Variants in ZNF662 observed in about 807,000 individuals in gnomAD.
The protein encoded by ZNF662 is zinc finger protein 662.
In ZNF662, 14 loss-of-function variants were observed where a neutral mutation model predicts 12.4. The observed-to-expected ratio is 1.13, with a 90% CI of 0.75 to 1.77. The LOEUF is 1.77. Ranked by LOEUF, ZNF662 falls within the 40% of genes most tolerant of loss-of-function variation. ZNF662 has a pLI of 0.00. For synonymous variants in ZNF662, 184 were observed against 176.4 expected, an observed-to-expected ratio of 1.04 and a Z score of -0.34; for missense variants, 550 against 515.6, an observed-to-expected ratio of 1.07 and a Z score of -0.65.
Position 42,919,236 on chromosome 3 carries a change from A to AT in ZNF662, c.*3883dup, listed in dbSNP as rs1238411028. Reference sequence around the variant, plus strand: ...ATGAGTCTAAAATCTAATGACAAATATATAAGTCTTGAAACATAATTTCTC... The same window carrying AT: ...ATGAGTCTAAAATCTAATGACAAATATTATAAGTCTTGAAACATAATTTCTC... On this transcript the variant is annotated 3_prime_UTR_variant, in exon 5 of 5. Transcript: ENST00000440367. 6.6e-6 allele frequency among the ~76,000 whole-genome samples: 1 copy of AT among 152,248 alleles called. No homozygotes were observed. Among genetic ancestry groups the AT allele is most frequent in the Non-Finnish European group, 1.5e-5 (1 of 68,040 alleles).
intron 3 of ZNF662, 100 bp from the exon 4 acceptor site, chr3:42,913,101 C>T (rs937717195): frequency 3.8e-6 from 3 of 788,970 alleles, no homozygotes; most frequent in Non-Finnish European, 6.5e-6. Context: ...ATCTTTTCAC[C>T]CACCTTTATT....
At chr3:42,909,098 G>A (rs2088729794) in intron 3 of ZNF662, among the ~76,000 whole-genome samples, 189 bp downstream of exon 3, 1 of 151,990 alleles carries the variant, frequency 6.6e-6, no homozygotes, top group African/African-American at 2.4e-5. Flanking sequence ...GATTATTCTT[G>A]GGTGTTTCTC....
At chr3:42,911,726 A>C (rs181311876) in intron 3 of ZNF662, among the ~76,000 whole-genome samples, 1 of 107,730 alleles carries the variant, frequency 9.3e-6, no homozygotes, top group East Asian at 1.9e-4. Flanking sequence ...GCGAAAGCAG[A>C]AGTAAGGTGT....
At position 42,915,547 on chromosome 3, in the gene ZNF662, T is replaced by G. The variant is rs1181939442; in HGVS notation, c.*193T>G. Reference sequence around the variant, plus strand: ...CTATGATGTTTTAACAAGGCATCATTTAGTTGGGCAGCTACTCTGTATCAG... The same window carrying G: ...CTATGATGTTTTAACAAGGCATCATGTAGTTGGGCAGCTACTCTGTATCAG... On this transcript the variant is annotated 3_prime_UTR_variant, in exon 5 of 5. Transcript: ENST00000440367. 2 of 557,382 alleles carry G rather than the reference T, an allele frequency of 3.6e-6. No homozygotes were observed. Among genetic ancestry groups the G allele is most frequent in the Non-Finnish European group, 6.1e-6 (2 of 325,866 alleles). 34.5% of individuals were successfully genotyped at this position (557,382 alleles called of 1,614,324 possible).
intron 1 of ZNF662, chr3:42,907,696 G>A (rs2088702705): frequency 1.0e-6 from 1 of 985,342 alleles, no homozygotes; most frequent in Non-Finnish European, 1.2e-6. Context: ...CTCTGAAGGA[G>A]GACACATTGT....
rs2088721142 is a variant in ZNF662 at position 42,908,734 on chromosome 3, C to G, written c.35-59C>G. 3 of 1,565,386 alleles carry G rather than the reference C, an allele frequency of 1.9e-6. No homozygotes were observed. The African/African-American group carries it at 4.1e-5, about 21-fold the overall frequency. ...CCTGAAGACACTGGCCTGGGAGGAG[C>G]CTTGGGATTACTGTGTGCCATGCCA... On this transcript the variant is annotated intron_variant, in intron 2 of 4. Transcript: ENST00000440367.
Position 42,906,388 on chromosome 3 carries a change from G to A in ZNF662, c.-94+220G>A. On this transcript the variant is annotated intron_variant, in intron 1 of 4. Coordinates refer to ENST00000440367, the MANE Select transcript of ZNF662 (RefSeq NM_207404.4). The surrounding 1 kb of genome is among the most constrained non-coding windows in gnomAD (Gnocchi z 4.4). ...GGCGCTGGCGAGCGGGACACGCCTCGGCCTTGTCCTCGAGCTGCTCCCGGG... is the reference window on the plus strand; with the variant it reads ...GGCGCTGGCGAGCGGGACACGCCTCAGCCTTGTCCTCGAGCTGCTCCCGGG... 6.6e-7 allele frequency: 1 copy of A among 1,521,746 alleles called. No individual in the cohort carries two copies. The highest frequency in any genetic ancestry group is 1.2e-5 in the South Asian group (1 of 82,496). The allele number at this position is 1,521,746 out of a possible 1,614,324, so 94.3% of individuals were successfully genotyped here.
intron 2 of ZNF662, 78 bp downstream of exon 2, chr3:42,908,226 T>C: frequency 6.5e-7 from 1 of 1,536,018 alleles, no homozygotes; most frequent in African/African-American, 1.4e-5. Context: ...GCTCAGGAGT[T>C]GTTGATAACC....
rs751383444 is a variant in ZNF662 at position 42,914,740 on chromosome 3, A to G, written c.667A>G (p.Lys223Glu). 2 of 1,614,088 alleles carry G rather than the reference A, an allele frequency of 1.2e-6. No individual in the cohort carries two copies. Among genetic ancestry groups the G allele is most frequent in the East Asian group, 2.2e-5 (1 of 44,904 alleles). ...THNGEKVYGC[K>E]ECGKAFSFRS... ...TAATGGAGAGAAGGTCTATGGATGT[A>G]AGGAATGTGGGAAGGCTTTCAGTTT... is the stretch of plus-strand genomic sequence containing the variant. The change falls in exon 5 of 5, where the codon AAG becomes GAG. Residue 223 changes from lysine (K) to glutamate (E), a missense_variant. Coordinates refer to ENST00000440367, the MANE Select transcript of ZNF662 (RefSeq NM_207404.4).
rs1253717854 is a variant in ZNF662, at chr3:42,917,986, A to C, written c.*2632A>C. On this transcript the variant is annotated 3_prime_UTR_variant, in exon 5 of 5. Coordinates refer to ENST00000440367, the MANE Select transcript of ZNF662 (RefSeq NM_207404.4). ...CCAGGTGTGGTGGCACATGCCAGTA[A>C]TCTCAGCTACTCAGGAGGCTGAGGC... 6.6e-6 allele frequency among the ~76,000 whole-genome samples: 1 copy of C among 152,216 alleles called. No homozygotes were observed. The highest frequency in any genetic ancestry group is 1.5e-5 in the Non-Finnish European group (1 of 68,036).
Position 42,914,702 on chromosome 3 carries a change from A to G in ZNF662, c.629A>G (p.His210Arg). The G allele has an allele frequency of 1.2e-6, 2 of 1,614,242 alleles. No individual in the cohort carries two copies. Among genetic ancestry groups the G allele is most frequent in the Non-Finnish European group, 1.7e-6 (2 of 1,180,044 alleles). Residue 210 changes from histidine (H) to arginine (R), a missense_variant, in exon 5 of 5, where the codon CAC becomes CGC. Transcript: ENST00000440367. ...CFDQNEDFDQ[H>R]QKTHNGEKVY... is the part of the protein sequence containing the mutation. ...GATCAAAATGAGGACTTTGATCAAC[A>G]CCAGAAAACTCATAATGGAGAGAAG... is the stretch of plus-strand genomic sequence containing the variant.
Position 42,915,202 on chromosome 3 carries a change from C to G in ZNF662, c.1129C>G (p.Arg377Gly). The change falls in exon 5 of 5, where the codon CGA becomes GGA. Residue 377 changes from arginine to glycine, a missense_variant. Physicochemically the swap from Arg to Gly is moderately radical, Grantham distance 125. Transcript: ENST00000440367. Reference protein sequence around the residue: ...KSFFCKAHLIRHQRIHTGERP... With the variant: ...KSFFCKAHLIGHQRIHTGERP... The stretch of plus-strand genomic sequence containing the variant: ...CTTCTTTTGCAAGGCACATCTTATT[C>G]GACATCAAAGAATCCATACTGGGGA... 6.2e-7 allele frequency: 1 copy of G among 1,614,052 alleles called. No homozygotes were observed. Among genetic ancestry groups the G allele is most frequent in the Non-Finnish European group, 8.5e-7 (1 of 1,180,008 alleles).
rs929874703 is a variant in ZNF662, at chr3:42,918,523, G to A, written c.*3169G>A. ...CCTTACTGTGTATGTGTTAAGGAAC[G>A]GAATTTTTCATCATGGGCATGTTTA... is the stretch of plus-strand genomic sequence containing the variant. On this transcript the variant is annotated 3_prime_UTR_variant, in exon 5 of 5. Coordinates refer to ENST00000440367, the MANE Select transcript of ZNF662 (RefSeq NM_207404.4). 6.6e-6 allele frequency among the ~76,000 whole-genome samples: 1 copy of A among 152,136 alleles called. No individual in the cohort carries two copies. The highest frequency in any genetic ancestry group is 1.5e-5 in the Non-Finnish European group (1 of 68,040).
At chr3:42,909,102 G>T (rs2088729895) in intron 3 of ZNF662, among the ~76,000 whole-genome samples, 193 bp downstream of exon 3, 1 of 152,124 alleles carries the variant, frequency 6.6e-6, no homozygotes, top group African/African-American at 2.4e-5. Flanking sequence ...ATTCTTGGGT[G>T]TTTCTCAGAG....
At chr3:42,908,228 T>C (rs751579779) in intron 2 of ZNF662, 80 bp downstream of exon 2, 15 of 1,531,048 alleles carry the variant, frequency 9.8e-6, no homozygotes, top group Non-Finnish European at 1.3e-5. Flanking sequence ...TCAGGAGTTG[T>C]TGATAACCCT....
intron 3 of ZNF662, 54 bp from the exon 4 acceptor site, chr3:42,913,147 A>T: frequency 5.4e-6 from 7 of 1,307,622 alleles, no homozygotes; most frequent in Non-Finnish European, 7.8e-6. Context: ...TCTTTTCCTG[A>T]TGGGCCTCAC....
At position 42,916,360 on chromosome 3, in the gene ZNF662, C is replaced by CTTTTTT. The variant is rs1204228659; in HGVS notation, c.*1024_*1029dup. ...GGAAACAGCAGAGGGTAATCCAGGT[C>CTTTTTT]TTTTTTTTTTTTTTTTTTTTTTTAG... On this transcript the variant is annotated 3_prime_UTR_variant, in exon 5 of 5. Coordinates refer to ENST00000440367, the MANE Select transcript of ZNF662 (RefSeq NM_207404.4). 6.7e-5 allele frequency: 7 copies of CTTTTTT among 104,456 alleles called. No homozygotes were observed. The highest frequency in any genetic ancestry group is 2.8e-4 in the East Asian group (1 of 3,626). The allele number at this position is 104,456 out of a possible 1,614,324, so 6.5% of individuals were successfully genotyped here.
Position 42,913,305 on chromosome 3 carries a change from A to T in ZNF662, c.253+3A>T, listed in dbSNP as rs766249991. ...GGGTCCAAGCCTGATTTGTCCGGGT[A>T]AGTGAGAGGGAAATGAGCATTCTTC... On this transcript the variant is annotated splice_donor_region_variant and intron_variant, in intron 4 of 4. Coordinates refer to ENST00000440367, the MANE Select transcript of ZNF662 (RefSeq NM_207404.4). The T allele has an allele frequency of 1.2e-5, 19 of 1,608,282 alleles. No individual in the cohort carries two copies. Among genetic ancestry groups the T allele is most frequent in the Admixed American group, 1.7e-5 (1 of 59,992 alleles).
At position 42,914,336 on chromosome 3, in the gene ZNF662, TGAAGAG is replaced by T; in HGVS notation, c.269_274del (p.Arg90_Lys91del). The T allele has an allele frequency of 6.3e-7, 1 of 1,599,902 alleles. No homozygotes were observed. On this transcript the variant is annotated inframe_deletion, in exon 5 of 5. Transcript: ENST00000440367. ...CAATTTCTTTTTTCAGAGGGTGTGT[TGAAGAG>T]GAAGAAAGAAGATTTTATTCTGAAG...
Sources: allele counts gnomAD v4.1 joint callset (sites outside exome capture counted in the v4.1 genomes callset), GRCh38; gene constraint gnomAD v4.1.1; non-coding constraint Gnocchi (gnomAD v3.1); transcripts MANE v1.5; gene names NCBI Gene and HGNC (gene_info 2026-07-23, HGNC 2026-07-21).